SPOCK3: variants seen among roughly 807,000 people sequenced by gnomAD.
SPOCK3 encodes the protein testican-3.
In SPOCK3, 30 loss-of-function variants were observed where a neutral mutation model predicts 56.6. The ratio of observed to expected loss-of-function variants is 0.53; its 90% confidence interval spans 0.40 to 0.72. The LOEUF is 0.72. Ranked by LOEUF, SPOCK3 falls within the 30% of genes least tolerant of loss-of-function variation. The pLI is 0.00. For synonymous variants in SPOCK3, 196 were observed against 183.3 expected (o/e 1.07, Z -0.56); for missense variants, 527 against 530.0 (o/e 0.99, Z 0.06).
intron 2 of SPOCK3, among the ~76,000 whole-genome samples, chr4:167,164,199 AATTTATTC>A (rs1765560459): frequency 6.6e-6 from 1 of 152,132 alleles, no homozygotes; most frequent in South Asian, 2.1e-4. Context: ...TTCTAACTCC[AATTTATTC>A]ATTTTTGTAT....
At chr4:166,827,351 G>A (rs1579338904) in intron 6 of SPOCK3, among the ~76,000 whole-genome samples, 1 of 152,186 alleles carries the variant, frequency 6.6e-6, no homozygotes, top group African/African-American at 2.4e-5. Context: ...GAGATTTGCT[G>A]TTTACCTGAG....
At chr4:167,001,938 A>G (rs1748989907) in intron 3 of SPOCK3, among the ~76,000 whole-genome samples, 1 of 151,332 alleles carries the variant, frequency 6.6e-6, no homozygotes, top group African/African-American at 2.5e-5. Flanking sequence ...TTGATAATCA[A>G]TGCATTTTAT....
chr4:166,992,083 G>T (rs1747848882), intron 4 of SPOCK3, among the ~76,000 whole-genome samples: 1 of 152,076 alleles, frequency 6.6e-6, no homozygotes, highest in South Asian at 2.1e-4. Context: ...TTGCTGAATT[G>T]CAAATGTTCA....
At position 166,950,581 on chromosome 4, in the gene SPOCK3, G is replaced by A. The variant is rs1459537305; in HGVS notation, c.351-37838C>T. ...AATTGAACTCAGCTCTGCACCAAGA[G>A]GACCTAATAGACATCTAAAGAACTC... On this transcript the variant is annotated intron_variant, in intron 4 of 10. Coordinates refer to ENST00000357545, the MANE Select transcript of SPOCK3 (RefSeq NM_001040159.2). 3.3e-5 allele frequency among the ~76,000 whole-genome samples: 5 copies of A among 151,512 alleles called. No homozygotes were observed. In the East Asian group the frequency reaches 5.8e-4, roughly 18 times the overall value.
chr4:167,040,110 C>T (rs779956040), intron 3 of SPOCK3, among the ~76,000 whole-genome samples: 8 of 152,176 alleles, frequency 5.3e-5, no homozygotes, highest in East Asian at 1.9e-4. Flanking sequence ...TTTCATTAAA[C>T]GTCACTTAGA....
chr4:166,928,219 C>T (rs751837096), intron 4 of SPOCK3, among the ~76,000 whole-genome samples: 1 of 152,210 alleles, frequency 6.6e-6, no homozygotes, highest in African/African-American at 2.4e-5. Flanking sequence ...AGCAATTATA[C>T]TCATTGGTAT....
chr4:166,810,104 G>A (rs1435678520), intron 6 of SPOCK3, among the ~76,000 whole-genome samples: 1 of 151,994 alleles, frequency 6.6e-6, no homozygotes, highest in Non-Finnish European at 1.5e-5. Flanking sequence ...CCAATCCAGA[G>A]TCAAGCCCCA....
intron 5 of SPOCK3, among the ~76,000 whole-genome samples, chr4:166,891,915 T>C (rs1458803065): frequency 6.6e-6 from 1 of 152,148 alleles, no homozygotes; most frequent in Non-Finnish European, 1.5e-5. Context: ...TATGTTTATC[T>C]CCCTTCATAG....
intron 4 of SPOCK3, among the ~76,000 whole-genome samples, chr4:166,981,662 A>C (rs1181294630): frequency 1.3e-5 from 2 of 152,144 alleles, no homozygotes; most frequent in African/African-American, 4.8e-5. Flanking sequence ...ATTCAGAACT[A>C]TTCATTCAGT....
chr4:167,094,811 T>C (rs557075209), intron 2 of SPOCK3, among the ~76,000 whole-genome samples: 1 of 152,226 alleles, frequency 6.6e-6, no homozygotes, highest in South Asian at 2.1e-4. Flanking sequence ...AATAATGTAT[T>C]ATTCGGGGTT....
At chr4:166,930,297 G>A (rs569099772) in intron 4 of SPOCK3, among the ~76,000 whole-genome samples, 18 of 152,038 alleles carry the variant, frequency 1.2e-4, no homozygotes, top group Non-Finnish European at 2.2e-4. Context: ...TAAACACAAA[G>A]TAATACATGT....
intron 2 of SPOCK3, among the ~76,000 whole-genome samples, chr4:167,179,313 ACT>A (rs1306674389): frequency 6.6e-6 from 1 of 152,070 alleles, no homozygotes; most frequent in African/African-American, 2.4e-5. Flanking sequence ...AATGAGCCAG[ACT>A]CTCTGCTGCA....
intron 7 of SPOCK3, among the ~76,000 whole-genome samples, chr4:166,764,857 T>C (rs891297541): frequency 6.6e-6 from 1 of 151,310 alleles, no homozygotes; most frequent in Admixed American, 6.6e-5. Flanking sequence ...ACCTGTTGTT[T>C]CCTGACTTTT....
intron 2 of SPOCK3, among the ~76,000 whole-genome samples, chr4:167,110,720 G>A (rs900248100): frequency 1.3e-5 from 2 of 151,870 alleles, no homozygotes; most frequent in African/African-American, 2.4e-5. Context: ...TACACTTAAG[G>A]GGGAAAAAAT....
intron 6 of SPOCK3, among the ~76,000 whole-genome samples, chr4:166,815,030 T>G (rs2126738833): frequency 6.6e-6 from 1 of 152,224 alleles, no homozygotes; most frequent in South Asian, 2.1e-4. Context: ...AATCCATATT[T>G]TTTACTTTTA....
chr4:167,071,397 C>T (rs1476671517), intron 2 of SPOCK3, among the ~76,000 whole-genome samples: 1 of 151,900 alleles, frequency 6.6e-6, no homozygotes, highest in Admixed American at 6.6e-5. Flanking sequence ...CCTAGCCCCC[C>T]ACCCCCTGAC....
intron 6 of SPOCK3, among the ~76,000 whole-genome samples, chr4:166,813,457 A>T (rs1430234939): frequency 2.0e-5 from 3 of 152,158 alleles, no homozygotes; most frequent in East Asian, 3.9e-4. Flanking sequence ...TTACATAGCA[A>T]CTAGAAGTTT....
At chr4:166,948,432 C>T (rs1239122704) in intron 4 of SPOCK3, among the ~76,000 whole-genome samples, 2 of 152,108 alleles carry the variant, frequency 1.3e-5, no homozygotes, top group Admixed American at 1.3e-4. Context: ...TTTGAGGAAT[C>T]TCCACACTAT....
intron 6 of SPOCK3, among the ~76,000 whole-genome samples, chr4:166,884,999 C>G (rs561873287): frequency 7.2e-5 from 11 of 151,742 alleles, no homozygotes; most frequent in Admixed American, 2.0e-4. Flanking sequence ...ATAAAAGAAA[C>G]CTCTAGTATT....
Sources: allele counts gnomAD v4.1 joint callset (sites outside exome capture counted in the v4.1 genomes callset), GRCh38; gene constraint gnomAD v4.1.1; transcripts MANE v1.5; gene names NCBI Gene and HGNC (gene_info 2026-07-23, HGNC 2026-07-21).